ZFPM2: variants seen among roughly 807,000 people sequenced by gnomAD.
The protein encoded by ZFPM2 is zinc finger protein ZFPM2.
Under a neutral mutation model 98.6 loss-of-function variants are expected in ZFPM2, and 20 were observed. The ratio of observed to expected loss-of-function variants is 0.20; its 90% CI spans 0.14 to 0.29. ZFPM2 has a LOEUF of 0.29. Ranked by LOEUF, ZFPM2 falls within the 10% of genes least tolerant of loss-of-function variation. The pLI, the probability that ZFPM2 is intolerant of heterozygous loss-of-function variation, is 1.00. For synonymous variants in ZFPM2, 518 were observed against 502.7 expected, an observed-to-expected ratio of 1.03 and a Z score of -0.41; for missense variants, 1,310 against 1,388.6, an observed-to-expected ratio of 0.94 and a Z score of 0.90.
At chr8:105,741,192 G>A (rs1459951547) in intron 5 of ZFPM2, among the ~76,000 whole-genome samples, 14 of 152,012 alleles carry the variant, frequency 9.2e-5, no homozygotes, top group Admixed American at 2.6e-4. Flanking sequence ...AAGATACTAC[G>A]CCAAATTTTG....
At chr8:105,526,055 A>G (rs1814167771) in intron 3 of ZFPM2, among the ~76,000 whole-genome samples, 1 of 152,192 alleles carries the variant, frequency 6.6e-6, no homozygotes, top group South Asian at 2.1e-4. Flanking sequence ...ATATTTCCTG[A>G]TAAATTAATG....
intron 5 of ZFPM2, among the ~76,000 whole-genome samples, chr8:105,683,442 C>A (rs1175784473): frequency 1.3e-5 from 2 of 152,100 alleles, no homozygotes; most frequent in Non-Finnish European, 2.9e-5. Flanking sequence ...AGGGAGGATA[C>A]AAAGTAGAGA....
intron 1 of ZFPM2, among the ~76,000 whole-genome samples, chr8:105,404,675 A>G (rs1811406792): frequency 6.6e-6 from 1 of 152,076 alleles, no homozygotes; most frequent in Non-Finnish European, 1.5e-5. Flanking sequence ...ACATACACAT[A>G]CACTTTGAAC....
At chr8:105,377,690 G>A (rs1810758675) in intron 1 of ZFPM2, among the ~76,000 whole-genome samples, 1 of 151,582 alleles carries the variant, frequency 6.6e-6, no homozygotes, top group African/African-American at 2.4e-5. Flanking sequence ...TGAGGCATGA[G>A]GATCGCTTGA....
intron 4 of ZFPM2, among the ~76,000 whole-genome samples, chr8:105,562,346 AAATAAATAAAT>A (rs1401229211): frequency 2.9e-5 from 4 of 139,612 alleles, no homozygotes; most frequent in African/African-American, 9.0e-5. Flanking sequence ...ATAAATAAAT[AAATAAATAAAT>A]GGAAAGGTAG....
At chr8:105,386,328 A>G (rs183117895) in intron 1 of ZFPM2, among the ~76,000 whole-genome samples, 1 of 152,306 alleles carries the variant, frequency 6.6e-6, no homozygotes, top group East Asian at 1.9e-4. Context: ...TCTTTTAAGC[A>G]TCAGAATTAT....
At chr8:105,566,690 T>C (rs1815250493) in intron 4 of ZFPM2, among the ~76,000 whole-genome samples, 1 of 152,184 alleles carries the variant, frequency 6.6e-6, no homozygotes. Flanking sequence ...TATTATCAAC[T>C]GTTGATAGCT....
chr8:105,692,150 A>G (rs1480314828), intron 5 of ZFPM2, among the ~76,000 whole-genome samples: 1 of 152,144 alleles, frequency 6.6e-6, no homozygotes, highest in Admixed American at 6.5e-5. Flanking sequence ...TTATCTTTGG[A>G]CCTGGTTTAT....
intron 3 of ZFPM2, among the ~76,000 whole-genome samples, chr8:105,517,661 G>A (rs967142906): frequency 7.1e-6 from 1 of 140,634 alleles, no homozygotes; most frequent in African/African-American, 2.8e-5. Context: ...ACCAGCCTGG[G>A]GAACATAGTG....
intron 1 of ZFPM2, among the ~76,000 whole-genome samples, chr8:105,359,429 G>T (rs1387912848): frequency 1.4e-5 from 2 of 147,418 alleles, no homozygotes; most frequent in African/African-American, 5.0e-5. Flanking sequence ...TGGCTGGAGT[G>T]CAGTGACATG....
intron 2 of ZFPM2, among the ~76,000 whole-genome samples, chr8:105,436,305 A>G (rs1812117956): frequency 6.6e-6 from 1 of 152,090 alleles, no homozygotes; most frequent in Non-Finnish European, 1.5e-5. Context: ...TGGTCACCTG[A>G]GGTCGGGAGT....
intron 5 of ZFPM2, chr8:105,663,012 A>T (rs1189436838): frequency 6.6e-6 from 1 of 152,214 alleles, no homozygotes; most frequent in Non-Finnish European, 1.5e-5. Flanking sequence ...GCAGATAACT[A>T]ATGCATTGTT....
rs138344579 is a variant in ZFPM2, at chr8:105,487,883, A to AGTCTGTCT, written c.301+43507_301+43514dup. On this transcript the variant is annotated intron_variant, in intron 3 of 7. Transcript: ENST00000407775. ...TTAATTTGTTACTTTAACCCTATAA[A>AGTCTGTCT]GTCTGTCTGTCTATCTATCTATCTA... is the stretch of plus-strand genomic sequence containing the variant. Among the ~76,000 whole-genome samples the AGTCTGTCT allele has an allele frequency of 3.1e-4, 46 of 147,926 alleles. 1 individual carries two copies. The East Asian group carries it at 4.2e-3, about 14-fold the overall frequency.
intron 2 of ZFPM2, among the ~76,000 whole-genome samples, chr8:105,423,881 A>G (rs763429590): frequency 4.6e-5 from 7 of 152,234 alleles, no homozygotes; most frequent in Non-Finnish European, 1.0e-4. Context: ...ATAATTGTAA[A>G]GTGAAATAAA....
At position 105,585,635 on chromosome 8, in the gene ZFPM2, TACAG is replaced by T. The variant is rs567437673; in HGVS notation, c.420+24158_420+24161del. Among the ~76,000 whole-genome samples the T allele has an allele frequency of 4.5e-3, 678 of 152,254 alleles. 17 individuals carry two copies. The highest frequency in any genetic ancestry group is 0.042 in the Admixed American group (646 of 15,284). On this transcript the variant is annotated intron_variant, in intron 4 of 7. Transcript: ENST00000407775. The stretch of plus-strand genomic sequence containing the variant: ...CTGGAGATTATATTCTAGTGACAAA[TACAG>T]ACAAATAAATGTGCAATTACTATAC...
intron 2 of ZFPM2, 99 bp downstream of exon 2, chr8:105,419,401 T>G: frequency 7.1e-7 from 1 of 1,399,806 alleles, no homozygotes; most frequent in Non-Finnish European, 9.7e-7. Flanking sequence ...TGACACATAA[T>G]TCAGCCGTCT....
At chr8:105,639,685 T>C (rs1299582581) in intron 5 of ZFPM2, among the ~76,000 whole-genome samples, 4 of 152,214 alleles carry the variant, frequency 2.6e-5, no homozygotes, top group Middle Eastern at 3.4e-3. Context: ...ATTATGTTGC[T>C]GATTATCATA....
chr8:105,793,552 T>C (rs369915430), intron 6 of ZFPM2, among the ~76,000 whole-genome samples: 1 of 152,160 alleles, frequency 6.6e-6, no homozygotes, highest in Non-Finnish European at 1.5e-5. Context: ...GTGAATCTGA[T>C]AATTATGTGT....
chr8:105,419,063 A>G (rs1250557545), intron 1 of ZFPM2, 81 bp from the exon 2 acceptor site: 3 of 995,694 alleles, frequency 3.0e-6, no homozygotes, highest in Non-Finnish European at 4.1e-6. Context: ...CCACTGTAAC[A>G]AAAAAAGGCT....
Sources: gnomAD v4.1 joint callset for allele counts (sites outside exome capture counted in the v4.1 genomes callset) on GRCh38, gnomAD v4.1.1 for gene constraint, MANE v1.5 for transcripts, NCBI Gene and HGNC (gene_info 2026-07-23, HGNC 2026-07-21) for gene names.